The following AFG2A variants were observed in gnomAD, a reference collection of about 807,000 sequenced individuals.
AFG2A encodes the protein ATPase family gene 2 protein homolog A.
chr4:123,169,943 T>C, the AFG2A span, among the ~76,000 whole-genome samples: 2 of 152,186 alleles, frequency 1.3e-5, no homozygotes, highest in South Asian at 4.1e-4. Context: ...GAGATTACTC[T>C]GGACTGGAAT....
the AFG2A span, among the ~76,000 whole-genome samples, chr4:123,233,279 GCA>G: frequency 0.045 from 6,540 of 146,742 alleles, 455 homozygotes; most frequent in African/African-American, 0.15. Flanking sequence ...ACACACACAC[GCA>G]CACACACACA....
At chr4:123,062,019 A>G in the AFG2A span, among the ~76,000 whole-genome samples, 1 of 152,224 alleles carries the variant, frequency 6.6e-6, no homozygotes, top group African/African-American at 2.4e-5. Context: ...GTGAGAAACC[A>G]GACAAGGCAC....
At chr4:123,143,591 T>C in the AFG2A span, among the ~76,000 whole-genome samples, 1 of 151,950 alleles carries the variant, frequency 6.6e-6, no homozygotes, top group Non-Finnish European at 1.5e-5. Flanking sequence ...GGTACAAGAG[T>C]TTAAAGAAGG....
the AFG2A span, among the ~76,000 whole-genome samples, chr4:123,101,621 T>C: frequency 6.6e-6 from 1 of 151,962 alleles, no homozygotes; most frequent in African/African-American, 2.4e-5. Context: ...AGACTTATTG[T>C]ATGAGGAGTT....
the AFG2A span, among the ~76,000 whole-genome samples, chr4:123,238,958 C>T: frequency 6.9e-3 from 1,052 of 152,140 alleles, 9 homozygotes; most frequent in African/African-American, 0.024. Flanking sequence ...AGACAAATGG[C>T]TAACTAGAAT....
At chr4:122,977,509 T>C in the AFG2A span, among the ~76,000 whole-genome samples, 1 of 152,170 alleles carries the variant, frequency 6.6e-6, no homozygotes, top group African/African-American at 2.4e-5. Context: ...CTTGGAGATG[T>C]TGGAAACAGC....
chr4:123,070,419 G>A, the AFG2A span, among the ~76,000 whole-genome samples: 2 of 152,090 alleles, frequency 1.3e-5, no homozygotes, highest in South Asian at 4.1e-4. Context: ...AATTTAGTCT[G>A]AGTGGCTTAG....
At chr4:122,959,807 T>C in the AFG2A span, among the ~76,000 whole-genome samples, 1 of 152,210 alleles carries the variant, frequency 6.6e-6, no homozygotes, top group Non-Finnish European at 1.5e-5. Flanking sequence ...ACAGTGTGCT[T>C]ACTCTCAACA....
chr4:123,149,477 G>A, the AFG2A span, among the ~76,000 whole-genome samples: 2 of 152,222 alleles, frequency 1.3e-5, no homozygotes, highest in Admixed American at 1.3e-4. Context: ...TCTCTGCTTC[G>A]ATTTGTACTT....
chr4:123,187,999 A>C, the AFG2A span, among the ~76,000 whole-genome samples: 1 of 28,930 alleles, frequency 3.5e-5, no homozygotes, highest in Non-Finnish European at 1.5e-4. Context: ...CCCTATCTCA[A>C]AAAAAAAAAA....
the AFG2A span, among the ~76,000 whole-genome samples, chr4:123,278,305 A>G: frequency 1.1e-4 from 16 of 152,096 alleles, no homozygotes; most frequent in East Asian, 1.9e-3. Flanking sequence ...ATCAGTGGTA[A>G]TGTCCCCTTT....
At chr4:123,240,834 G>A in the AFG2A span, among the ~76,000 whole-genome samples, 1 of 152,114 alleles carries the variant, frequency 6.6e-6, no homozygotes, top group African/African-American at 2.4e-5. Context: ...AAAAATCAAT[G>A]AATCCAGGAG....
chr4:123,181,691 G>A, the AFG2A span, among the ~76,000 whole-genome samples: 1 of 152,064 alleles, frequency 6.6e-6, no homozygotes, highest in African/African-American at 2.4e-5. Flanking sequence ...AATAGGTTTG[G>A]CCCACTGGCT....
chr4:123,059,928 G>GT, the AFG2A span, among the ~76,000 whole-genome samples: 1 of 152,108 alleles, frequency 6.6e-6, no homozygotes, highest in South Asian at 2.1e-4. Flanking sequence ...TTTTTCATGT[G>GT]TTTTTTGGCT....
the AFG2A span, among the ~76,000 whole-genome samples, chr4:123,118,316 A>ATATATTATATAAT: frequency 7.7e-6 from 1 of 129,336 alleles, no homozygotes; most frequent in African/African-American, 3.2e-5. Context: ...TATATATAAT[A>ATATATTATATAAT]TATATTATAT....
the AFG2A span, among the ~76,000 whole-genome samples, chr4:123,141,764 TTTG>T: frequency 1.3e-5 from 2 of 152,176 alleles, no homozygotes; most frequent in African/African-American, 2.4e-5. Context: ...TTGTTTTTTG[TTTG>T]TTGTTGTTGG....
chr4:123,083,038 G>A, the AFG2A span, among the ~76,000 whole-genome samples: 1 of 152,076 alleles, frequency 6.6e-6, no homozygotes, highest in Non-Finnish European at 1.5e-5. Context: ...TTGCTTATTA[G>A]ATTCAGGAGT....
At chr4:123,088,436 G>T in the AFG2A span, among the ~76,000 whole-genome samples, 1 of 152,152 alleles carries the variant, frequency 6.6e-6, no homozygotes, top group East Asian at 1.9e-4. Flanking sequence ...AATTATGAAA[G>T]ACCTCCTAAA....
chr4:123,289,658 G>A, the AFG2A span, among the ~76,000 whole-genome samples: 49 of 152,180 alleles, frequency 3.2e-4, no homozygotes, highest in Admixed American at 3.1e-3. Flanking sequence ...CCTTTTCTCT[G>A]CATCCTCATC....
Sources: allele counts gnomAD v4.1 joint callset (sites outside exome capture counted in the v4.1 genomes callset), GRCh38; gene constraint gnomAD v4.1.1; transcripts MANE v1.5; gene names NCBI Gene and HGNC (gene_info 2026-07-23, HGNC 2026-07-21).